Variants in ATF7 observed in about 807,000 individuals in gnomAD.
ATF7 encodes cyclic AMP-dependent transcription factor ATF-7.
Under a neutral mutation model 50.4 loss-of-function variants are expected in ATF7, and 10 were observed. The ratio of observed to expected loss-of-function variants is 0.20; its 90% CI spans 0.12 to 0.34. The LOEUF (loss-of-function observed/expected upper bound fraction) is 0.34, where lower values mean the gene tolerates loss of function less well. Among genes scored for constraint, ATF7 ranks in the 10% least tolerant of loss-of-function variants. The pLI is 1.00. For missense variants in ATF7, 465 were observed against 613.9 expected (o/e 0.76, Z 2.56); for synonymous variants, 201 against 226.4 (o/e 0.89, Z 1.01).
intron 1 of ATF7, among the ~76,000 whole-genome samples, chr12:53,602,420 C>T (rs898487900): frequency 2.6e-5 from 4 of 152,194 alleles, no homozygotes; most frequent in Non-Finnish European, 5.9e-5. Context: ...TAACATCTCT[C>T]CTACTCTCTT....
intron 3 of ATF7, among the ~76,000 whole-genome samples, chr12:53,545,590 C>A (rs1259923708): frequency 1.3e-5 from 2 of 152,082 alleles, no homozygotes; most frequent in Non-Finnish European, 2.9e-5. Flanking sequence ...CTCTCCTCGG[C>A]CTCCCAAAGT....
At chr12:53,573,859 G>A (rs1040030244) in intron 2 of ATF7, among the ~76,000 whole-genome samples, 19 of 152,112 alleles carry the variant, frequency 1.2e-4, no homozygotes, top group Admixed American at 1.1e-3. Context: ...CCATCCAAGT[G>A]GGGAAAAGAA....
At chr12:53,508,144 G>C (rs1944055273), downstream of ATF7, 1 of 151,630 alleles carries the variant, frequency 6.6e-6, no homozygotes, top group African/African-American at 2.4e-5. Context: ...GCGCGATCTC[G>C]GCTCACTGCA....
At chr12:53,614,929 A>G (rs1166534321) in intron 1 of ATF7, among the ~76,000 whole-genome samples, 1 of 151,588 alleles carries the variant, frequency 6.6e-6, no homozygotes, top group Non-Finnish European at 1.5e-5. Context: ...AAAAATACAA[A>G]ATTAGCCAGG....
At chr12:53,607,321 T>C (rs1592979318) in intron 1 of ATF7, among the ~76,000 whole-genome samples, 1 of 152,376 alleles carries the variant, frequency 6.6e-6, no homozygotes, top group East Asian at 1.9e-4. Context: ...CTGGCACTTT[T>C]ATATAGTACT....
chr12:53,561,588 CAGGGAA>C (rs1941116546), intron 2 of ATF7, among the ~76,000 whole-genome samples: 1 of 152,230 alleles, frequency 6.6e-6, no homozygotes, highest in Admixed American at 6.5e-5. Context: ...TTTGGGAAAG[CAGGGAA>C]AGGGAGAAGA....
chr12:53,513,782 T>C lies in ATF7; in HGVS notation c.*3355A>G, dbSNP rs1944205009. 1 of 152,066 alleles carries C rather than the reference T, an allele frequency of 6.6e-6. No homozygotes were observed. The highest frequency in any genetic ancestry group is 6.6e-5 in the Admixed American group (1 of 15,244). The allele number at this position is 152,066 out of a possible 1,614,324, so 9.4% of individuals were successfully genotyped here. ...GCCCCAGAAACCACAGGAAGAATTT[T>C]TTTGGTGTCTGTTTGGTGGTTCAGG... On this transcript the variant is annotated 3_prime_UTR_variant, in exon 12 of 12. Transcript: ENST00000420353.
At chr12:53,542,164 GC>G (rs1939604726) in intron 4 of ATF7, among the ~76,000 whole-genome samples, 1 of 144,980 alleles carries the variant, frequency 6.9e-6, no homozygotes, top group Admixed American at 7.1e-5. Flanking sequence ...GGTGGTTTAC[GC>G]CTGTAATCCC....
intron 4 of ATF7, among the ~76,000 whole-genome samples, chr12:53,542,214 A>C (rs372074413): frequency 1.3e-5 from 2 of 149,520 alleles, no homozygotes; most frequent in African/African-American, 4.9e-5. Flanking sequence ...TCACGAGGTC[A>C]GGAGATCGAG....
chr12:53,539,733 A>G (rs1939428589), intron 4 of ATF7, among the ~76,000 whole-genome samples: 1 of 150,630 alleles, frequency 6.6e-6, no homozygotes, highest in African/African-American at 2.4e-5. Context: ...AATGAATGAA[A>G]AAAAATGACA....
In ATF7 at chr12:53,594,901, GA is replaced by G. The variant is rs1362619887; in HGVS notation, c.48+6051del. On this transcript the variant is annotated intron_variant, in intron 2 of 11. Coordinates refer to ENST00000420353, the MANE Select transcript of ATF7 (RefSeq NM_006856.3). ...AGACCCCATCTCAAAAAAAAAAAAA[GA>G]AAAAAAAAAATCCCAGTCCCAGTTT... Among the ~76,000 whole-genome samples, 1,168 of 140,564 alleles carry G rather than the reference GA, an allele frequency of 8.3e-3. 60 individuals are homozygous for G. The East Asian group carries it at 0.14, about 17-fold the overall frequency. 92.2% of individuals were successfully genotyped at this position (140,564 alleles called of 152,430 possible). A position where few individuals can be genotyped will look rare whatever the true frequency, so the allele number is the denominator to read the frequency against.
intron 2 of ATF7, among the ~76,000 whole-genome samples, chr12:53,553,942 T>C (rs1940545035): frequency 6.6e-6 from 1 of 152,176 alleles, no homozygotes; most frequent in Non-Finnish European, 1.5e-5. Flanking sequence ...TTTCTACTAC[T>C]TTATTTTACC....
chr12:53,531,865 G>T lies in ATF7; in HGVS notation c.806C>A (p.Ser269Tyr), dbSNP rs1291863744. The T allele has an allele frequency of 6.2e-7, 1 of 1,613,706 alleles. No individual in the cohort carries two copies. ...RLKATLTHQVSSINGGCGMVV... is the reference protein window; with the variant it reads ...RLKATLTHQVYSINGGCGMVV... ...CATTCCACAACCACCATTGATTGAG[G>T]AGACTTGGTGAGTTAGGGTGGCTTT... is the stretch of plus-strand genomic sequence containing the variant. The change falls in exon 9 of 12, where the codon TCC becomes TAC. Residue 269 changes from serine to tyrosine, a missense_variant. Coordinates refer to ENST00000420353, the MANE Select transcript of ATF7 (RefSeq NM_006856.3).
Position 53,600,948 on chromosome 12 carries a change from C to G in ATF7, c.48+5G>C. 1 of 1,612,640 alleles carries G rather than the reference C, an allele frequency of 6.2e-7. No homozygotes were observed. The highest frequency in any genetic ancestry group is 2.2e-5 in the East Asian group (1 of 44,860). ...CATTCACAATAAAGTATATTGTAAA[C>G]GTACCTGTCCACAGCCCGGGGCATT... is the stretch of plus-strand genomic sequence containing the variant. On this transcript the variant is annotated splice_donor_5th_base_variant and intron_variant, in intron 2 of 11. Transcript: ENST00000420353.
In ATF7 at chr12:53,524,482, A is replaced by G; in HGVS notation, c.1125+82T>C. ...CCTAATTAGAGAATTACCATCTTCT[A>G]TCAAATTGTACCACTTTTTTCTGAT... On this transcript the variant is annotated intron_variant, in intron 10 of 11. Coordinates refer to ENST00000420353, the MANE Select transcript of ATF7 (RefSeq NM_006856.3). This position sits in a 1 kb window ranked among gnomAD's most constrained non-coding sequence, Gnocchi z 4.6. 6.8e-7 allele frequency: 1 copy of G among 1,476,986 alleles called. No individual in the cohort carries two copies. The highest frequency in any genetic ancestry group is 2.3e-5 in the East Asian group (1 of 44,166). 91.5% of individuals were successfully genotyped at this position (1,476,986 alleles called of 1,614,324 possible).
chr12:53,587,900 G>A (rs1942790716), intron 2 of ATF7, among the ~76,000 whole-genome samples: 2 of 141,546 alleles, frequency 1.4e-5, no homozygotes, highest in South Asian at 4.6e-4. Flanking sequence ...AGGCTGGAGT[G>A]CAATGGCACG....
chr12:53,596,751 C>T (rs138104085), intron 2 of ATF7, among the ~76,000 whole-genome samples: 1 of 152,170 alleles, frequency 6.6e-6, no homozygotes, highest in Admixed American at 6.5e-5. Flanking sequence ...CAAGTAAAAG[C>T]GTCCTCCAAA....
chr12:53,565,528 C>T (rs1430784285), intron 2 of ATF7, among the ~76,000 whole-genome samples: 1 of 151,866 alleles, frequency 6.6e-6, no homozygotes, highest in Non-Finnish European at 1.5e-5. Flanking sequence ...AGTCTTACTT[C>T]ATCACCCAGA....
chr12:53,530,679 C>A (rs959939421), intron 9 of ATF7, among the ~76,000 whole-genome samples: 1 of 152,074 alleles, frequency 6.6e-6, no homozygotes, highest in African/African-American at 2.4e-5. Flanking sequence ...GTGATCTCAG[C>A]TCACTGCAAC....
Sources: gnomAD v4.1 joint callset for allele counts (sites outside exome capture counted in the v4.1 genomes callset) on GRCh38, gnomAD v4.1.1 for gene constraint, Gnocchi (gnomAD v3.1) non-coding constraint, MANE v1.5 for transcripts, NCBI Gene and HGNC (gene_info 2026-07-23, HGNC 2026-07-21) for gene names.